Variants in LPP observed in about 807,000 individuals in gnomAD.
LPP encodes LIM domain containing preferred translocation partner in lipoma.
A neutral mutation model predicts 60.4 loss-of-function variants in LPP; 38 were observed. The observed-to-expected ratio is 0.63, with a 90% CI of 0.49 to 0.83. The LOEUF is 0.83. Ranked by LOEUF, LPP falls within the 40% of genes least tolerant of loss-of-function variation. The pLI, the probability that LPP is intolerant of heterozygous loss-of-function variation, is 0.00. For synonymous variants in LPP, 328 were observed against 290.8 expected, an observed-to-expected ratio of 1.13 and a Z score of -1.30; for missense variants, 902 against 783.6, an observed-to-expected ratio of 1.15 and a Z score of -1.80.
rs867056584 is a variant in LPP, at chr3:188,826,271, G to T, written c.1411-39929G>T. Among the ~76,000 whole-genome samples the T allele has an allele frequency of 3.3e-5, 5 of 152,272 alleles. No individual in the cohort carries two copies. The Middle Eastern group carries it at 0.014, about 414-fold the overall frequency. On this transcript the variant is annotated intron_variant, in intron 9 of 11. Coordinates refer to ENST00000617246, the MANE Select transcript of LPP (RefSeq NM_001375462.1). ...TGGATCCAATATATGTTTGTTTTGG[G>T]TGAGGGGCTAACAAAATGCTCTGCG...
At position 188,162,879 on chromosome 3, in the gene LPP, C is replaced by T. The variant is rs73055681; in HGVS notation, c.-190+8627C>T. 2.8e-3 allele frequency among the ~76,000 whole-genome samples: 429 copies of T among 152,256 alleles called. 1 individual carries two copies. Among genetic ancestry groups the T allele is most frequent in the African/African-American group, 9.5e-3 (394 of 41,528 alleles). On this transcript the variant is annotated intron_variant, in intron 1 of 11. Transcript: ENST00000617246. ...CTAGACAACTCCTAGTTCAAGTCCT[C>T]GTTGTGCTGTTTAATACAGGGTGCT...
chr3:188,417,262 G>A (rs1246241224), intron 4 of LPP, among the ~76,000 whole-genome samples: 1 of 152,004 alleles, frequency 6.6e-6, no homozygotes, highest in Non-Finnish European at 1.5e-5. Flanking sequence ...CACCACATGT[G>A]CATAAAAATT....
intron 4 of LPP, among the ~76,000 whole-genome samples, chr3:188,450,734 G>C (rs1311512245): frequency 4.4e-5 from 5 of 114,070 alleles, no homozygotes; most frequent in African/African-American, 1.7e-4. Context: ...GACAAAGTGA[G>C]ACTCTGTCTC....
chr3:188,375,222 A>G (rs1466091773), intron 3 of LPP, among the ~76,000 whole-genome samples: 1 of 151,812 alleles, frequency 6.6e-6, no homozygotes, highest in Non-Finnish European at 1.5e-5. Flanking sequence ...CTGGCCTCAT[A>G]AAATGAGTTA....
rs1742395314 is a variant in LPP, at chr3:188,282,325, T to A, written c.-67+56798T>A. The stretch of plus-strand genomic sequence containing the variant: ...TATACTTTCTGGGTCCACTGTTGCT[T>A]TGTATTTAATACTGGAGGTTGTGAT... On this transcript the variant is annotated intron_variant, in intron 2 of 11. Coordinates refer to ENST00000617246, the MANE Select transcript of LPP (RefSeq NM_001375462.1). Among the ~76,000 whole-genome samples, 4 of 152,154 alleles carry A rather than the reference T, an allele frequency of 2.6e-5. No homozygotes were observed. The South Asian group carries it at 8.3e-4, about 32-fold the overall frequency.
rs71169024 is a variant in LPP at position 188,880,034 on chromosome 3, C to CT, written c.*5569dup. 0.51 allele frequency: 73,324 copies of CT among 144,556 alleles called. 18,938 individuals are homozygous for CT. The highest frequency in any genetic ancestry group is 0.57 in the Non-Finnish European group (39,681 of 69,204). The allele number at this position is 144,556 out of a possible 1,614,324, so 9.0% of individuals were successfully genotyped here. A position where few individuals can be genotyped will look rare whatever the true frequency, so the allele number is the denominator to read the frequency against. On this transcript the variant is annotated 3_prime_UTR_variant, in exon 12 of 12. Transcript: ENST00000617246. ...AAAGATGCGTTTTTTTTCTTTTTTT[C>CT]TTTTTTTTTTTTTTGAGACGGAGTC...
intron 2 of LPP, among the ~76,000 whole-genome samples, chr3:188,253,384 C>T (rs1193123580): frequency 6.6e-6 from 1 of 152,136 alleles, no homozygotes; most frequent in Non-Finnish European, 1.5e-5. Flanking sequence ...TCATTTTTCA[C>T]ATTTAGATCT....
rs575285373 is a variant in LPP at position 188,380,489 on chromosome 3, A to G, written c.-9-25623A>G. Among the ~76,000 whole-genome samples, 8 of 152,230 alleles carry G rather than the reference A, an allele frequency of 5.3e-5. 1 individual carries two copies. Among genetic ancestry groups the G allele is most frequent in the African/African-American group, 1.9e-4 (8 of 41,550 alleles). ...ACTCATGGCCTTGAGTATGTCCCTT[A>G]TGTTCATTTGACAGATTCCTGCCAA... On this transcript the variant is annotated intron_variant, in intron 3 of 11. Coordinates refer to ENST00000617246, the MANE Select transcript of LPP (RefSeq NM_001375462.1).
rs576473947 is a variant in LPP at position 188,306,184 on chromosome 3, G to A, written c.-66-35479G>A. On this transcript the variant is annotated intron_variant, in intron 2 of 11. Transcript: ENST00000617246. The stretch of plus-strand genomic sequence containing the variant: ...CAACCTGTGCCTCCTGAGTTCAAGC[G>A]ATTCTCCTGCCTCAGCCTCCCAAGT... Among the ~76,000 whole-genome samples the A allele has an allele frequency of 4.6e-5, 7 of 152,052 alleles. No homozygotes were observed. In the South Asian group the frequency reaches 1.5e-3, roughly 32 times the overall value.
In LPP at chr3:188,671,423, C is replaced by T. The variant is rs536289290; in HGVS notation, c.1114-36844C>T. 2.0e-5 allele frequency among the ~76,000 whole-genome samples: 3 copies of T among 152,296 alleles called. No homozygotes were observed. In the South Asian group the frequency reaches 6.2e-4, roughly 32 times the overall value. Reference sequence around the variant, plus strand: ...TCAGCATTTACTTCAGTTTATCAAACTTCAATATTTATTTAAATTGAAACC... The same window carrying T: ...TCAGCATTTACTTCAGTTTATCAAATTTCAATATTTATTTAAATTGAAACC... On this transcript the variant is annotated intron_variant, in intron 7 of 11. Coordinates refer to ENST00000617246, the MANE Select transcript of LPP (RefSeq NM_001375462.1).
chr3:188,571,338 T>TTA (rs1173275267), intron 6 of LPP, among the ~76,000 whole-genome samples: 1 of 152,180 alleles, frequency 6.6e-6, no homozygotes, highest in Non-Finnish European at 1.5e-5. Flanking sequence ...TAGATAGATG[T>TTA]TATATATCTG....
At chr3:188,378,147 C>T (rs929089342) in intron 3 of LPP, among the ~76,000 whole-genome samples, 9 of 152,240 alleles carry the variant, frequency 5.9e-5, no homozygotes, top group South Asian at 2.1e-4. Flanking sequence ...AGGCTACTTG[C>T]GGGTCAGGGA....
At chr3:188,648,586 C>G (rs956221833) in intron 7 of LPP, among the ~76,000 whole-genome samples, 6 of 152,182 alleles carry the variant, frequency 3.9e-5, no homozygotes, top group African/African-American at 1.4e-4. Context: ...TCCTGTTTGT[C>G]TCTCCTTCAT....
At chr3:188,214,169 C>T (rs1205201363) in intron 1 of LPP, among the ~76,000 whole-genome samples, 1 of 151,942 alleles carries the variant, frequency 6.6e-6, no homozygotes, top group Non-Finnish European at 1.5e-5. Context: ...CTCTATCGCC[C>T]AGGCTGGCTG....
intron 8 of LPP, among the ~76,000 whole-genome samples, chr3:188,733,028 T>C (rs1463136301): frequency 2.6e-5 from 4 of 151,978 alleles, no homozygotes; most frequent in African/African-American, 7.2e-5. Flanking sequence ...AAGAATCCCA[T>C]GTGCAGGTCG....
At chr3:188,355,167 C>G (rs1476955947) in intron 3 of LPP, among the ~76,000 whole-genome samples, 1 of 152,090 alleles carries the variant, frequency 6.6e-6, no homozygotes, top group Non-Finnish European at 1.5e-5. Flanking sequence ...CGCCACCACA[C>G]CTGGCTAATT....
At chr3:188,282,043 C>T (rs996033621) in intron 2 of LPP, among the ~76,000 whole-genome samples, 5 of 151,968 alleles carry the variant, frequency 3.3e-5, no homozygotes, top group African/African-American at 7.2e-5. Flanking sequence ...TCTACCTTGT[C>T]CTTCTCCTCC....
chr3:188,752,806 C>G (rs977114173), intron 8 of LPP, among the ~76,000 whole-genome samples: 1 of 152,192 alleles, frequency 6.6e-6, no homozygotes, highest in Non-Finnish European at 1.5e-5. Flanking sequence ...GCATACAGTC[C>G]TTGTTACAGC....
chr3:188,541,827 GTGGA>G (rs1262559404), intron 6 of LPP, among the ~76,000 whole-genome samples: 8 of 152,070 alleles, frequency 5.3e-5, no homozygotes, highest in African/African-American at 1.9e-4. Context: ...AACTCAGGAG[GTGGA>G]TGTTGCAGTG....
Sources: gnomAD v4.1 joint callset for allele counts (sites outside exome capture counted in the v4.1 genomes callset) on GRCh38, gnomAD v4.1.1 for gene constraint, MANE v1.5 for transcripts, NCBI Gene and HGNC (gene_info 2026-07-23, HGNC 2026-07-21) for gene names.